BACH1: variants seen among roughly 807,000 people sequenced by gnomAD.
BACH1 encodes transcription regulator protein BACH1.
BACH1 carries 35 observed loss-of-function variants against 52.9 expected under a neutral mutation model. The ratio of observed to expected loss-of-function variants is 0.66; its 90% CI spans 0.51 to 0.88. BACH1 has a LOEUF of 0.88. Ranked by LOEUF, BACH1 falls within the 40% of genes least tolerant of loss-of-function variation. The pLI is 0.00. For missense variants in BACH1, 808 were observed against 872.6 expected (o/e 0.93, Z 0.93); for synonymous variants, 321 against 319.6 (o/e 1.00, Z -0.05).
At chr21:29,312,333 G>A (rs2088734763) in intron 1 of BACH1, among the ~76,000 whole-genome samples, 1 of 152,248 alleles carries the variant, frequency 6.6e-6, no homozygotes, top group South Asian at 2.1e-4. Flanking sequence ...AAAATCTACA[G>A]TTAACATATT....
rs369140615 is a variant in BACH1, at chr21:29,326,996, G to A, written c.1172G>A (p.Arg391Gln). The A allele has an allele frequency of 1.7e-5, 27 of 1,613,784 alleles. No individual in the cohort carries two copies. The highest frequency in any genetic ancestry group is 5.0e-5 in the Admixed American group (3 of 59,982). ...VASSDRSSVEREVAEHLAKGF... is the reference protein window; with the variant it reads ...VASSDRSSVEQEVAEHLAKGF... ...TCTAGTGATAGGAGTAGTGTGGAGC[G>A]AGAAGTGGCAGAACACCTAGCAAAA... Residue 391 changes from arginine to glutamine, a missense_variant, in exon 3 of 5, where the codon CGA (arginine) becomes CAA (glutamine). Arg to Gln is a conservative substitution (Grantham distance 43). Transcript: ENST00000286800.
chr21:29,329,783 A>G (rs1222771123), intron 4 of BACH1, 90 bp downstream of exon 4: 1 of 955,232 alleles, frequency 1.0e-6, no homozygotes, highest in Non-Finnish European at 1.5e-6. Flanking sequence ...GTCAGATATA[A>G]TGCTCAATTA....
Position 29,329,711 on chromosome 21 carries a change from T to C in BACH1, c.1776+18T>C, listed in dbSNP as rs1299734578. 3 of 1,469,892 alleles carry C rather than the reference T, an allele frequency of 2.0e-6. No individual in the cohort carries two copies. In the African/African-American group the frequency reaches 4.3e-5, roughly 21 times the overall value. 91.1% of individuals were successfully genotyped at this position (1,469,892 alleles called of 1,614,324 possible). A position where few individuals can be genotyped will look rare whatever the true frequency, so the allele number is the denominator to read the frequency against. On this transcript the variant is annotated intron_variant, in intron 4 of 4. Coordinates refer to ENST00000286800, the MANE Select transcript of BACH1 (RefSeq NM_001186.4). ...AGAAGCTGGTAAGTGTAAAAGTTTC[T>C]TGTTACTATTTAAATTCCACCACTT...
intron 1 of BACH1, among the ~76,000 whole-genome samples, chr21:29,311,414 G>C (rs1209393131): frequency 2.0e-5 from 3 of 152,004 alleles, no homozygotes; most frequent in Non-Finnish European, 2.9e-5. Context: ...AGTAATACTT[G>C]TTGGTTTTTG....
intron 1 of BACH1, among the ~76,000 whole-genome samples, chr21:29,316,153 T>G (rs1351634653): frequency 6.6e-6 from 1 of 152,246 alleles, no homozygotes; most frequent in Non-Finnish European, 1.5e-5. Flanking sequence ...ATTGTAGACC[T>G]GGTTCCATGA....
At chr21:29,361,297 C>T (rs1389644358) in intron 2 of BACH1, 3 of 152,132 alleles carry the variant, frequency 2.0e-5, no homozygotes, top group Non-Finnish European at 4.4e-5. Context: ...TGCACCTGCT[C>T]CACCAACAAT....
chr21:29,336,930 C>G (rs2089052218), intron 4 of BACH1, among the ~76,000 whole-genome samples: 1 of 152,146 alleles, frequency 6.6e-6, no homozygotes. Context: ...CCTCAGCCTC[C>G]CAAAGTGCTG....
At position 29,343,920 on chromosome 21, in the gene BACH1, TTTTCTATTGTGGG is replaced by T. The variant is rs1452605284; in HGVS notation, c.*1091_*1103del. ...TGTGAAATAGGATGAAACTCAATCT[TTTTCTATTGTGGG>T]TTTGCATTTGAAAAGCAGGTTGAAT... On this transcript the variant is annotated 3_prime_UTR_variant, in exon 5 of 5. Coordinates refer to ENST00000286800, the MANE Select transcript of BACH1 (RefSeq NM_001186.4). 6.6e-6 allele frequency: 1 copy of T among 152,216 alleles called. No homozygotes were observed. The highest frequency in any genetic ancestry group is 2.4e-5 in the African/African-American group (1 of 41,432). 9.4% of individuals were successfully genotyped at this position (152,216 alleles called of 1,614,324 possible). A position where few individuals can be genotyped will look rare whatever the true frequency, so the allele number is the denominator to read the frequency against.
rs776883023 is a variant in BACH1, at chr21:29,326,147, A to C, written c.323A>C (p.Lys108Thr). Residue 108 changes from lysine to threonine, a missense_variant, in exon 3 of 5, where the codon AAA becomes ACA. Transcript: ENST00000286800. ...AAAGAGAATGTGGATGAAGTGTGCA[A>C]ATGTGTGGAGTTTTTAAGTGTACAT... Reference protein sequence around the residue: ...LSKENVDEVCKCVEFLSVHNI... With the variant: ...LSKENVDEVCTCVEFLSVHNI... 6.8e-6 allele frequency: 11 copies of C among 1,614,178 alleles called. No individual in the cohort carries two copies. The highest frequency in any genetic ancestry group is 8.5e-6 in the Non-Finnish European group (10 of 1,180,026).
At chr21:29,337,993 A>T (rs897660814) in intron 4 of BACH1, among the ~76,000 whole-genome samples, 2 of 152,240 alleles carry the variant, frequency 1.3e-5, no homozygotes, top group Non-Finnish European at 2.9e-5. Flanking sequence ...GCACACTAAC[A>T]TGGCACATGT....
intron 1 of BACH1, among the ~76,000 whole-genome samples, chr21:29,318,788 C>T (rs555827452): frequency 1.1e-4 from 17 of 152,194 alleles, no homozygotes; most frequent in South Asian, 8.3e-4. Flanking sequence ...TTTAGATTTC[C>T]GTTTCTAAGG....
chr21:29,331,335 T>G (rs1407854649), intron 4 of BACH1, among the ~76,000 whole-genome samples: 1 of 152,228 alleles, frequency 6.6e-6, no homozygotes, highest in East Asian at 1.9e-4. Flanking sequence ...TAGTAGTTCA[T>G]AGAGTTTATC....
intron 1 of BACH1, among the ~76,000 whole-genome samples, chr21:29,308,869 G>A (rs1308318707): frequency 6.6e-6 from 1 of 152,132 alleles, no homozygotes; most frequent in Non-Finnish European, 1.5e-5. Context: ...TATAACTATA[G>A]ACCTTGATGA....
At chr21:29,329,873 A>C (rs2088960899) in intron 4 of BACH1, among the ~76,000 whole-genome samples, 180 bp downstream of exon 4, 2 of 152,092 alleles carry the variant, frequency 1.3e-5, no homozygotes. Context: ...TTTAAAAAGA[A>C]GGTTTTCAAA....
chr21:29,324,564 GTGTGTGTGTGTGTGTGT>G, intron 2 of BACH1, among the ~76,000 whole-genome samples: 1 of 34,228 alleles, frequency 2.9e-5, no homozygotes, highest in Non-Finnish European at 5.6e-5. Context: ...CCTTGTGTGT[GTGTGTGTGTGTGTGTGT>G]GTGTGTGTGT....
chr21:29,339,034 T>G (rs1372475456), intron 4 of BACH1, among the ~76,000 whole-genome samples: 20 of 152,340 alleles, frequency 1.3e-4, no homozygotes, highest in Non-Finnish European at 1.8e-4. Flanking sequence ...GTGACTGTAA[T>G]ACAGTTCAAA....
chr21:29,321,025 C>T (rs1278069928), intron 1 of BACH1, among the ~76,000 whole-genome samples, 196 bp from the exon 2 acceptor site: 2 of 152,078 alleles, frequency 1.3e-5, no homozygotes, highest in African/African-American at 2.4e-5. Context: ...GAATCTTTTC[C>T]GTAAAATTAG....
At chr21:29,346,166 T>A (rs1315058955), downstream of BACH1, 2 of 152,236 alleles carry the variant, frequency 1.3e-5, no homozygotes, top group East Asian at 3.8e-4. Context: ...GTACATTCCA[T>A]TTTCATTTTC....
At chr21:29,329,184 A>G (rs2088952249) in intron 3 of BACH1, among the ~76,000 whole-genome samples, 1 of 152,080 alleles carries the variant, frequency 6.6e-6, no homozygotes, top group South Asian at 2.1e-4. Flanking sequence ...GGCATGTGCC[A>G]GTAGTCCCAG....
Sources: gnomAD v4.1 joint callset for allele counts (sites outside exome capture counted in the v4.1 genomes callset) on GRCh38, gnomAD v4.1.1 for gene constraint, MANE v1.5 for transcripts, NCBI Gene and HGNC (gene_info 2026-07-23, HGNC 2026-07-21) for gene names.